The following RNF150 variants were observed in gnomAD, a reference collection of about 807,000 sequenced individuals.
RNF150 encodes the protein ring finger protein 150.
RNF150 carries 24 observed loss-of-function variants against 39.3 expected under a neutral mutation model. That is an observed-to-expected ratio of 0.61 (90% CI 0.44 to 0.86). The LOEUF is 0.86. Ranked by LOEUF, RNF150 falls within the 40% of genes least tolerant of loss-of-function variation. The pLI, the probability that RNF150 is intolerant of heterozygous loss-of-function variation, is 0.00. For synonymous variants in RNF150, 255 were observed against 227.3 expected (o/e 1.12, Z -1.10); for missense variants, 502 against 587.8 (o/e 0.85, Z 1.51).
chr4:141,125,050 T>G (rs1019919710), intron 1 of RNF150, among the ~76,000 whole-genome samples: 1 of 152,196 alleles, frequency 6.6e-6, no homozygotes, highest in Non-Finnish European at 1.5e-5. Context: ...AAGTGAAGAC[T>G]ACTTATAGAA....
At chr4:141,063,342 TC>T (rs1223140545) in intron 1 of RNF150, among the ~76,000 whole-genome samples, 4 of 152,186 alleles carry the variant, frequency 2.6e-5, no homozygotes, top group Non-Finnish European at 5.9e-5. Flanking sequence ...GACATGGATT[TC>T]CAAATTTAGT....
chr4:140,932,636 G>A (rs534055326), intron 4 of RNF150, among the ~76,000 whole-genome samples: 28 of 152,220 alleles, frequency 1.8e-4, no homozygotes, highest in Admixed American at 3.3e-4. Flanking sequence ...GCCTCTCTGA[G>A]CCTTAGTTTC....
intron 5 of RNF150, among the ~76,000 whole-genome samples, chr4:140,922,775 T>C (rs1021498919): frequency 1.3e-4 from 19 of 151,752 alleles, no homozygotes; most frequent in Non-Finnish European, 2.2e-4. Flanking sequence ...AACAGAGATA[T>C]AGACCAATGG....
chr4:141,182,989 A>G (rs1727937919), intron 1 of RNF150, among the ~76,000 whole-genome samples: 1 of 152,144 alleles, frequency 6.6e-6, no homozygotes, highest in South Asian at 2.1e-4. Context: ...AGAGATATAG[A>G]TCAATGGAGC....
intron 1 of RNF150, among the ~76,000 whole-genome samples, chr4:141,110,137 T>C (rs1165281054): frequency 6.6e-6 from 1 of 152,208 alleles, no homozygotes; most frequent in East Asian, 1.9e-4. Flanking sequence ...AGGACTGTTA[T>C]GTCAAAGACA....
At chr4:140,995,361 G>A (rs1172147671) in intron 1 of RNF150, among the ~76,000 whole-genome samples, 1 of 152,212 alleles carries the variant, frequency 6.6e-6, no homozygotes, top group Non-Finnish European at 1.5e-5. Context: ...AGTGTGCCCA[G>A]AGTAGCAGCT....
chr4:140,947,594 G>C, intron 4 of RNF150, 60 bp downstream of exon 4: 1 of 1,276,202 alleles, frequency 7.8e-7, no homozygotes, highest in Non-Finnish European at 1.1e-6. Flanking sequence ...GGCCAGGGAG[G>C]CCACGCAGGC....
rs1200710341 is a variant in RNF150 at position 141,132,831 on chromosome 4, C to T, written c.-23G>A. 6.3e-7 allele frequency: 1 copy of T among 1,597,770 alleles called. No homozygotes were observed. The highest frequency in any genetic ancestry group is 8.6e-7 in the Non-Finnish European group (1 of 1,169,272). ...CATCTTTATCCGCCGGGGCCCCCTC[C>T]CCGCCCCCGCGCCCTCCCTCCGTCC... On this transcript the variant is annotated 5_prime_UTR_variant, in exon 1 of 7. Coordinates refer to ENST00000515673, the MANE Select transcript of RNF150 (RefSeq NM_020724.2). The surrounding 1 kb of genome is among the most constrained non-coding windows in gnomAD (Gnocchi z 4.9).
intron 1 of RNF150, among the ~76,000 whole-genome samples, chr4:141,179,105 T>A (rs557217950): frequency 7.2e-5 from 11 of 152,274 alleles, no homozygotes; most frequent in African/African-American, 1.4e-4. Flanking sequence ...TATATTAAGA[T>A]CTCGTATTTG....
chr4:140,874,863 C>T (rs1729089529), intron 6 of RNF150, among the ~76,000 whole-genome samples: 1 of 152,160 alleles, frequency 6.6e-6, no homozygotes, highest in Admixed American at 6.5e-5. Context: ...CAAGATCTCA[C>T]TATGTTGACT....
chr4:141,040,508 T>G (rs1736317220), intron 1 of RNF150, among the ~76,000 whole-genome samples: 1 of 152,206 alleles, frequency 6.6e-6, no homozygotes, highest in Non-Finnish European at 1.5e-5. Flanking sequence ...TATTTTTTTG[T>G]GAGCCATGAC....
chr4:141,165,384 A>G (rs1727583231), intron 1 of RNF150, among the ~76,000 whole-genome samples: 1 of 152,178 alleles, frequency 6.6e-6, no homozygotes, highest in Admixed American at 6.5e-5. Context: ...TATTAGGCAG[A>G]TTAATGAGAT....
At chr4:141,097,732 C>T (rs1339722046) in intron 1 of RNF150, among the ~76,000 whole-genome samples, 1 of 151,718 alleles carries the variant, frequency 6.6e-6, no homozygotes, top group African/African-American at 2.4e-5. Context: ...ATTTATATTC[C>T]TTTTTGTAAA....
At chr4:140,934,765 A>G (rs898332375) in intron 4 of RNF150, among the ~76,000 whole-genome samples, 5 of 151,320 alleles carry the variant, frequency 3.3e-5, no homozygotes, top group South Asian at 2.1e-4. Flanking sequence ...TATGGTGTCA[A>G]CTCCACAGCC....
intron 6 of RNF150, among the ~76,000 whole-genome samples, chr4:140,894,493 A>C (rs1729868108): frequency 6.6e-6 from 1 of 152,142 alleles, no homozygotes; most frequent in Non-Finnish European, 1.5e-5. Flanking sequence ...TGGGATGATT[A>C]CTGATGTTTA....
intron 2 of RNF150, among the ~76,000 whole-genome samples, chr4:140,961,327 T>C (rs750938116): frequency 2.6e-5 from 4 of 152,146 alleles, no homozygotes; most frequent in Non-Finnish European, 5.9e-5. Context: ...CTGGTGACTT[T>C]CTTTTAATTG....
intron 6 of RNF150, among the ~76,000 whole-genome samples, chr4:140,910,713 G>C (rs1355258389): frequency 6.6e-6 from 1 of 152,222 alleles, no homozygotes; most frequent in Admixed American, 6.5e-5. Context: ...CAGTGTGTGT[G>C]TGTGTGTGTA....
intron 1 of RNF150, among the ~76,000 whole-genome samples, chr4:141,201,328 T>C (rs1183295720): frequency 6.6e-6 from 1 of 152,170 alleles, no homozygotes; most frequent in East Asian, 1.9e-4. Context: ...AAATACAAAA[T>C]GAAGTTTTAA....
At chr4:141,204,496 A>G (rs1728342770) in intron 1 of RNF150, among the ~76,000 whole-genome samples, 1 of 152,198 alleles carries the variant, frequency 6.6e-6, no homozygotes, top group East Asian at 1.9e-4. Flanking sequence ...TATATAGTAG[A>G]CACTAAAGAA....
Sources: allele counts gnomAD v4.1 joint callset (sites outside exome capture counted in the v4.1 genomes callset), GRCh38; gene constraint gnomAD v4.1.1; non-coding constraint Gnocchi (gnomAD v3.1); transcripts MANE v1.5; gene names NCBI Gene and HGNC (gene_info 2026-07-23, HGNC 2026-07-21).